The following FSD2 variants were observed in gnomAD, a reference collection of about 807,000 sequenced individuals.
FSD2 encodes the protein fibronectin type III and SPRY domain containing 2, also known as fibronectin type III and SPRY domain-containing protein 2.
A neutral mutation model predicts 80.4 loss-of-function variants in FSD2; 71 were observed. That is an observed-to-expected ratio of 0.88 (90% confidence interval 0.73 to 1.08). The LOEUF (loss-of-function observed/expected upper bound fraction) is 1.08, where lower values mean the gene tolerates loss of function less well. Among genes scored for constraint, FSD2 ranks in the 50% least tolerant of loss-of-function variants. The pLI is 0.00. For missense variants in FSD2, 923 were observed against 913.8 expected, an observed-to-expected ratio of 1.01 and a Z score of -0.13; for synonymous variants, 361 against 329.5, an observed-to-expected ratio of 1.10 and a Z score of -1.03.
Position 82,759,213 on chromosome 15 carries a change from C to T in FSD2, c.*135G>A, listed in dbSNP as rs1274771155. Reference sequence around the variant, plus strand: ...AGGTTGGGTGAAATGAGCGCTAGCACACCAGTCAGATAATAGCATGAGCCA... The same window carrying T: ...AGGTTGGGTGAAATGAGCGCTAGCATACCAGTCAGATAATAGCATGAGCCA... On this transcript the variant is annotated 3_prime_UTR_variant, in exon 13 of 13. Transcript: ENST00000334574. 1.5e-5 allele frequency: 14 copies of T among 955,208 alleles called. No individual in the cohort carries two copies. The Admixed American group carries it at 3.7e-4, about 25-fold the overall frequency. 59.2% of individuals were successfully genotyped at this position (955,208 alleles called of 1,614,324 possible). A position where few individuals can be genotyped will look rare whatever the true frequency, so the allele number is the denominator to read the frequency against.
At chr15:82,774,719 C>CTT (rs58976684) in intron 6 of FSD2, among the ~76,000 whole-genome samples, 70 of 145,206 alleles carry the variant, frequency 4.8e-4, no homozygotes, top group African/African-American at 1.6e-3. Flanking sequence ...TTTCTAAATC[C>CTT]TTTTTTTTTT....
chr15:82,790,725 G>A lies in FSD2; in HGVS notation c.-78-3257C>T, dbSNP rs187009971. ...CTAGTAGCTGGGACTATAGGCGCCC[G>A]CCACCATGCCCAGCTAATTTTTTTT... On this transcript the variant is annotated intron_variant, in intron 1 of 12. Coordinates refer to ENST00000334574, the MANE Select transcript of FSD2 (RefSeq NM_001007122.4). Among the ~76,000 whole-genome samples, 604 of 147,454 alleles carry A rather than the reference G, an allele frequency of 4.1e-3. 1 individual carries two copies. Among genetic ancestry groups the A allele is most frequent in the Non-Finnish European group, 6.5e-3 (440 of 67,310 alleles).
chr15:82,773,285 C>G (rs1273363788), intron 6 of FSD2, among the ~76,000 whole-genome samples: 7 of 152,184 alleles, frequency 4.6e-5, no homozygotes, highest in Non-Finnish European at 8.8e-5. Context: ...TTGGTTCATC[C>G]TTTGCTTTCT....
chr15:82,756,086 A>G lies in FSD2; in HGVS notation c.*3262T>C, dbSNP rs1555474058. 3 of 462,640 alleles carry G rather than the reference A, an allele frequency of 6.5e-6. No homozygotes were observed. The highest frequency in any genetic ancestry group is 4.8e-5 in the South Asian group (3 of 62,116). 28.7% of individuals were successfully genotyped at this position (462,640 alleles called of 1,614,324 possible). Reference sequence around the variant, plus strand: ...TACCAACAGCAATTACACGCTTTCCATTGTCTTCCTATAGAAAATAGGAGT... The same window carrying G: ...TACCAACAGCAATTACACGCTTTCCGTTGTCTTCCTATAGAAAATAGGAGT... On this transcript the variant is annotated 3_prime_UTR_variant, in exon 13 of 13. Transcript: ENST00000334574.
chr15:82,786,713 C>T, intron 2 of FSD2, 39 bp downstream of exon 2: 1 of 1,609,016 alleles, frequency 6.2e-7, no homozygotes, highest in East Asian at 2.2e-5. Context: ...GATACCAAAG[C>T]AATATCAAGA....
At chr15:82,765,129 G>C in intron 11 of FSD2, 37 bp downstream of exon 11, 1 of 1,560,712 alleles carries the variant, frequency 6.4e-7, no homozygotes. Context: ...CCTTCGGGAA[G>C]TTCACAGAAC....
At chr15:82,774,068 A>G (rs1376408991) in intron 6 of FSD2, among the ~76,000 whole-genome samples, 1 of 152,096 alleles carries the variant, frequency 6.6e-6, no homozygotes, top group African/African-American at 2.4e-5. Context: ...AATCACAATA[A>G]TATTTTATTT....
chr15:82,765,125 G>A, intron 11 of FSD2, 41 bp downstream of exon 11: 1 of 1,556,222 alleles, frequency 6.4e-7, no homozygotes, highest in Non-Finnish European at 8.7e-7. Context: ...TGCACCTTCG[G>A]GAAGTTCACA....
Position 82,764,492 on chromosome 15 carries a change from C to CTTTTTTTT in FSD2, c.1820+666_1820+673dup, listed in dbSNP as rs60095355. Among the ~76,000 whole-genome samples, 58 of 86,130 alleles carry CTTTTTTTT rather than the reference C, an allele frequency of 6.7e-4. 2 individuals carry two copies. Among genetic ancestry groups the CTTTTTTTT allele is most frequent in the Non-Finnish European group, 8.8e-4 (40 of 45,410 alleles). 56.5% of individuals were successfully genotyped at this position (86,130 alleles called of 152,430 possible). A position where few individuals can be genotyped will look rare whatever the true frequency, so the allele number is the denominator to read the frequency against. ...CTCTTGTTGCTTCATTCTTTACTTG[C>CTTTTTTTT]TTTTTTTTTTTTTTTTTTTTGAGAA... On this transcript the variant is annotated intron_variant, in intron 11 of 12. Coordinates refer to ENST00000334574, the MANE Select transcript of FSD2 (RefSeq NM_001007122.4).
intron 10 of FSD2, 70 bp downstream of exon 10, chr15:82,765,828 A>G (rs1335792462): frequency 2.6e-6 from 4 of 1,512,756 alleles, no homozygotes; most frequent in Non-Finnish European, 3.6e-6. Flanking sequence ...CAGTGAAGTC[A>G]TAGCAGCACT....
chr15:82,770,026 CTT>C, intron 7 of FSD2, 142 bp from the exon 8 acceptor site: 9 of 861,936 alleles, frequency 1.0e-5, no homozygotes, highest in Non-Finnish European at 1.6e-5. Flanking sequence ...TGCAGCATGA[CTT>C]TGCTGCTCCT....
intron 1 of FSD2, among the ~76,000 whole-genome samples, chr15:82,798,610 T>C (rs1015749830): frequency 6.6e-6 from 1 of 152,220 alleles, no homozygotes; most frequent in Non-Finnish European, 1.5e-5. Context: ...TGTTTTTTCC[T>C]TATCCATCAC....
At chr15:82,770,698 A>C (rs890002912) in intron 7 of FSD2, among the ~76,000 whole-genome samples, 2 of 151,434 alleles carry the variant, frequency 1.3e-5, no homozygotes, top group Non-Finnish European at 2.9e-5. Flanking sequence ...AATAAATAAT[A>C]AATGTTTGTT....
At chr15:82,789,809 T>C (rs2050096574) in intron 1 of FSD2, among the ~76,000 whole-genome samples, 1 of 152,258 alleles carries the variant, frequency 6.6e-6, no homozygotes, top group East Asian at 1.9e-4. Context: ...CTAGTTCCAA[T>C]TACTCAGGAG....
At chr15:82,785,865 A>T (rs562443363) in intron 3 of FSD2, among the ~76,000 whole-genome samples, 2 of 152,282 alleles carry the variant, frequency 1.3e-5, no homozygotes, top group South Asian at 4.1e-4. Flanking sequence ...ACCAGATAGC[A>T]ACCCGGGGAT....
In FSD2 at chr15:82,762,203, C is replaced by T; in HGVS notation, c.1896G>A (p.Leu632=). 6.2e-7 allele frequency: 1 copy of T among 1,613,896 alleles called. No homozygotes were observed. Among genetic ancestry groups the T allele is most frequent in the Non-Finnish European group, 8.5e-7 (1 of 1,179,852 alleles). ...HYWEVEVDEH[L]DYRVGVAFAD... Reference sequence around the variant, plus strand: ...CAAAGGCCACACCAACTCTGTAGTCCAAATGCTCATCCACCTCCACCTCCC... The same window carrying T: ...CAAAGGCCACACCAACTCTGTAGTCTAAATGCTCATCCACCTCCACCTCCC... The change falls in exon 12 of 13, where the codon TTG becomes TTA. Residue 632 remains leucine (L), a synonymous_variant. Coordinates refer to ENST00000334574, the MANE Select transcript of FSD2 (RefSeq NM_001007122.4).
intron 3 of FSD2, among the ~76,000 whole-genome samples, 189 bp downstream of exon 3, chr15:82,786,322 A>G (rs1301488077): frequency 6.6e-6 from 1 of 152,180 alleles, no homozygotes; most frequent in Non-Finnish European, 1.5e-5. Flanking sequence ...GCTGACAGGT[A>G]ATTGGTTCCA....
intron 6 of FSD2, among the ~76,000 whole-genome samples, chr15:82,776,078 A>G (rs578031694): frequency 1.8e-4 from 28 of 152,324 alleles, no homozygotes; most frequent in Non-Finnish European, 4.1e-4. Flanking sequence ...TGACACCAGA[A>G]GTTCAAGAAC....
intron 10 of FSD2, 83 bp from the exon 11 acceptor site, chr15:82,765,381 T>C: frequency 6.3e-7 from 1 of 1,577,510 alleles, no homozygotes; most frequent in Non-Finnish European, 8.7e-7. Context: ...TTTAGCTTCG[T>C]GTGGGATACA....
Sources: allele counts gnomAD v4.1 joint callset (sites outside exome capture counted in the v4.1 genomes callset), GRCh38; gene constraint gnomAD v4.1.1; transcripts MANE v1.5; gene names NCBI Gene and HGNC (gene_info 2026-07-23, HGNC 2026-07-21).